PTK7: variants seen among roughly 807,000 people sequenced by gnomAD.
The protein encoded by PTK7 is protein tyrosine kinase 7 (inactive), also known as inactive tyrosine-protein kinase 7.
In PTK7, 39 loss-of-function variants were observed where a neutral mutation model predicts 116.6. The observed-to-expected ratio is 0.33, with a 90% CI of 0.26 to 0.44. The LOEUF is 0.44. Ranked by LOEUF, PTK7 falls within the 20% of genes least tolerant of loss-of-function variation. The pLI is 1.00. For missense variants in PTK7, 1,169 were observed against 1,425.6 expected (o/e 0.82, Z 2.90); for synonymous variants, 546 against 563.6 (o/e 0.97, Z 0.44).
chr6:43,143,492 C>T lies in PTK7; in HGVS notation c.2123C>T (p.Ser708Leu), dbSNP rs777003397. 8.1e-6 allele frequency: 13 copies of T among 1,614,048 alleles called. No individual in the cohort carries two copies. In the East Asian group the frequency reaches 8.9e-5, roughly 11 times the overall value. The part of the protein sequence containing the change: ...PYKMIQTIGL[S>L]VGAAVAYIIA... ...AAGATGATCCAGACCATTGGGTTGT[C>T]GGTGGGTGCCGCTGTGGCCTACATC... The change falls in exon 14 of 20, where the codon TCG (serine) becomes TTG (leucine). Residue 708 changes from serine (S) to leucine (L), a missense_variant. Ser to Leu is a moderately radical substitution (Grantham distance 145). Coordinates refer to ENST00000230419, the MANE Select transcript of PTK7 (RefSeq NM_002821.5). The surrounding 1 kb of genome is among the most constrained non-coding windows in gnomAD (Gnocchi z 4.2).
chr6:43,141,623 T>TCA lies in PTK7; in HGVS notation c.1619-45_1619-44insCA. The TCA allele has an allele frequency of 6.3e-7, 1 of 1,597,158 alleles. No individual in the cohort carries two copies. The highest frequency in any genetic ancestry group is 8.6e-7 in the Non-Finnish European group (1 of 1,168,110). ...GACTGAAGGCATTGCCAGCTGTCTGTGTAACCCTGATCCTTCCCATAATTT... is the reference window on the plus strand; with the variant it reads ...GACTGAAGGCATTGCCAGCTGTCTGTCAGTAACCCTGATCCTTCCCATAATTT... On this transcript the variant is annotated intron_variant, in intron 10 of 19. Coordinates refer to ENST00000230419, the MANE Select transcript of PTK7 (RefSeq NM_002821.5). The surrounding 1 kb of genome is among the most constrained non-coding windows in gnomAD (Gnocchi z 4.9).
At chr6:43,091,334 A>G (rs898497015) in intron 1 of PTK7, among the ~76,000 whole-genome samples, 7 of 151,486 alleles carry the variant, frequency 4.6e-5, no homozygotes, top group African/African-American at 1.7e-4. Flanking sequence ...CTAATTTTGT[A>G]TATTTTTGTT....
chr6:43,130,139 A>T, intron 3 of PTK7, 91 bp from the exon 4 acceptor site: 1 of 1,328,386 alleles, frequency 7.5e-7, no homozygotes, highest in Non-Finnish European at 1.0e-6. Context: ...GTATAAACTG[A>T]AAGGTCTAGC....
chr6:43,151,523 G>A (rs1033297787), intron 17 of PTK7, among the ~76,000 whole-genome samples: 1 of 112,028 alleles, frequency 8.9e-6, no homozygotes, highest in African/African-American at 3.9e-5. Context: ...CCGTTTTTTT[G>A]TTTGTTTTTT....
intron 17 of PTK7, 113 bp from the exon 18 acceptor site, chr6:43,158,704 G>A: frequency 8.8e-7 from 1 of 1,142,526 alleles, no homozygotes; most frequent in South Asian, 1.5e-5. Flanking sequence ...TGTGCTTCTG[G>A]GCTTCCTACG....
At chr6:43,116,194 GC>G (rs1177048881) in intron 1 of PTK7, among the ~76,000 whole-genome samples, 1 of 152,148 alleles carries the variant, frequency 6.6e-6, no homozygotes, top group Non-Finnish European at 1.5e-5. Flanking sequence ...AGAAACAGCT[GC>G]TGCCTAGATA....
In PTK7 at chr6:43,098,295, A is replaced by C. The variant is rs35875954; in HGVS notation, c.79+21728A>C. Among the ~76,000 whole-genome samples, 1,358 of 151,586 alleles carry C rather than the reference A, an allele frequency of 9.0e-3. 17 individuals are homozygous for C. Among genetic ancestry groups the C allele is most frequent in the Non-Finnish European group, 0.013 (913 of 67,946 alleles). On this transcript the variant is annotated intron_variant, in intron 1 of 19. Coordinates refer to ENST00000230419, the MANE Select transcript of PTK7 (RefSeq NM_002821.5). Reference sequence around the variant, plus strand: ...TCTATTCCCTCTCCTTTAATTGCCTAGTCCTGGGCTTAGTTCACGTCCTGT... The same window carrying C: ...TCTATTCCCTCTCCTTTAATTGCCTCGTCCTGGGCTTAGTTCACGTCCTGT...
At chr6:43,096,560 C>G (rs1767269478) in intron 1 of PTK7, among the ~76,000 whole-genome samples, 1 of 152,226 alleles carries the variant, frequency 6.6e-6, no homozygotes, top group South Asian at 2.1e-4. Flanking sequence ...ACACTTTCCT[C>G]TGCCCTGGAG....
intron 7 of PTK7, among the ~76,000 whole-genome samples, chr6:43,136,186 T>C (rs1481908913): frequency 6.7e-6 from 1 of 148,986 alleles, no homozygotes; most frequent in Non-Finnish European, 1.5e-5. Context: ...AAAAAAAAAA[T>C]TATCCAGGCA....
chr6:43,149,682 T>G (rs1334542823), intron 17 of PTK7, among the ~76,000 whole-genome samples: 4 of 152,182 alleles, frequency 2.6e-5, no homozygotes, highest in Admixed American at 2.6e-4. Context: ...AAGACCTGCA[T>G]CACTTAGCAA....
In PTK7 at chr6:43,145,488, A is replaced by G. The variant is rs893264942; in HGVS notation, c.2640+56A>G. On this transcript the variant is annotated intron_variant, in intron 16 of 19. Coordinates refer to ENST00000230419, the MANE Select transcript of PTK7 (RefSeq NM_002821.5). The surrounding 1 kb of genome is among the most constrained non-coding windows in gnomAD (Gnocchi z 4.8). ...CGGGTAGGGAGGGCAGTGTCCTACA[A>G]AGGTGGGAGTCAGTGGTTGGAGCAC... 6.0e-5 allele frequency: 83 copies of G among 1,387,694 alleles called. No individual in the cohort carries two copies. The highest frequency in any genetic ancestry group is 1.8e-4 in the Admixed American group (8 of 43,872). The allele number at this position is 1,387,694 out of a possible 1,614,324, so 86.0% of individuals were successfully genotyped here.
intron 6 of PTK7, 127 bp from the exon 7 acceptor site, chr6:43,132,294 A>C: frequency 6.7e-7 from 1 of 1,498,358 alleles, no homozygotes; most frequent in Admixed American, 2.1e-5. Flanking sequence ...GGGAGTAGGA[A>C]GAGGATATGC....
At chr6:43,160,490 C>T (rs945560224) in intron 19 of PTK7, among the ~76,000 whole-genome samples, 2 of 152,160 alleles carry the variant, frequency 1.3e-5, no homozygotes, top group South Asian at 2.1e-4. Context: ...GCCACTCTGA[C>T]GCCTGTCCGC....
chr6:43,139,031 T>C lies in PTK7; in HGVS notation c.1362+49T>C, dbSNP rs1017082401. 3 of 1,607,560 alleles carry C rather than the reference T, an allele frequency of 1.9e-6. No homozygotes were observed. Among genetic ancestry groups the C allele is most frequent in the Non-Finnish European group, 2.6e-6 (3 of 1,175,446 alleles). On this transcript the variant is annotated intron_variant, in intron 8 of 19. Coordinates refer to ENST00000230419, the MANE Select transcript of PTK7 (RefSeq NM_002821.5). This position sits in a 1 kb window ranked among gnomAD's most constrained non-coding sequence, Gnocchi z 4.6. ...TGGATGGGCGGGGCCTTCCCTCCAC[T>C]TGCCCTCTTCTGTGCTCACCTCCAT...
chr6:43,142,145 C>G, intron 12 of PTK7, 27 bp from the exon 13 acceptor site: 1 of 1,613,256 alleles, frequency 6.2e-7, no homozygotes, highest in South Asian at 1.1e-5. Context: ...TGCGAGCTGG[C>G]CAGCACTATG....
chr6:43,084,095 C>G (rs914059676), intron 1 of PTK7, among the ~76,000 whole-genome samples: 1 of 152,154 alleles, frequency 6.6e-6, no homozygotes, highest in African/African-American at 2.4e-5. Flanking sequence ...GATCCAGTTA[C>G]ATAGGCCAGA....
chr6:43,157,364 A>ATATATATATTTTTTT (rs70990168), intron 17 of PTK7, among the ~76,000 whole-genome samples: 9 of 54,352 alleles, frequency 1.7e-4, no homozygotes, highest in Admixed American at 4.9e-4. Flanking sequence ...ATATATATAT[A>ATATATATATTTTTTT]TTTTTTTTTT....
intron 1 of PTK7, among the ~76,000 whole-genome samples, chr6:43,081,722 T>C (rs865859221): frequency 6.6e-6 from 1 of 152,144 alleles, no homozygotes; most frequent in Non-Finnish European, 1.5e-5. Context: ...CAGGTCCTCA[T>C]ATAGGTTTAT....
chr6:43,077,589 A>G (rs772034131), intron 1 of PTK7, among the ~76,000 whole-genome samples: 1 of 152,054 alleles, frequency 6.6e-6, no homozygotes, highest in Non-Finnish European at 1.5e-5. Flanking sequence ...CCACCCGCAC[A>G]TCCCAAATAG....
Sources: gnomAD v4.1 joint callset for allele counts (sites outside exome capture counted in the v4.1 genomes callset) on GRCh38, gnomAD v4.1.1 for gene constraint, Gnocchi (gnomAD v3.1) non-coding constraint, MANE v1.5 for transcripts, NCBI Gene and HGNC (gene_info 2026-07-23, HGNC 2026-07-21) for gene names.